RLIG1: variants seen among roughly 807,000 people sequenced by gnomAD.
RLIG1 encodes the protein RNA ligase 1.
chr12:88,043,276 G>T, the RLIG1 span, among the ~76,000 whole-genome samples: 1 of 151,932 alleles, frequency 6.6e-6, no homozygotes, highest in South Asian at 2.1e-4. Flanking sequence ...GATACTCATT[G>T]TATATCTATG....
chr12:88,035,582 T>A, the RLIG1 span: 1 of 1,505,418 alleles, frequency 6.6e-7, no homozygotes, highest in Non-Finnish European at 9.1e-7. Context: ...CTTCAGGGCT[T>A]CTCCGCGACT....
the RLIG1 span, chr12:88,045,676 T>C: frequency 8.1e-6 from 13 of 1,613,108 alleles, no homozygotes; most frequent in Admixed American, 2.2e-4. Context: ...TAAAACATCA[T>C]CCTGATGATT....
At chr12:88,041,356 C>T in the RLIG1 span, among the ~76,000 whole-genome samples, 1 of 152,126 alleles carries the variant, frequency 6.6e-6, no homozygotes, top group Non-Finnish European at 1.5e-5. Context: ...CATTGCTGGA[C>T]AGTTGGGTTG....
At chr12:88,045,527 G>T in the RLIG1 span, 1 of 1,263,324 alleles carries the variant, frequency 7.9e-7, no homozygotes, top group Non-Finnish European at 1.1e-6. Flanking sequence ...TACCTGTAGT[G>T]TCAGTCCAAA....
At chr12:88,049,694 A>G in the RLIG1 span, 1 of 236,676 alleles carries the variant, frequency 4.2e-6, no homozygotes, top group Non-Finnish European at 8.0e-6. Context: ...CTCTAAAAGC[A>G]TATAAGAGCT....
the RLIG1 span, chr12:88,035,552 C>T: frequency 1.8e-5 from 24 of 1,305,194 alleles, no homozygotes; most frequent in Middle Eastern, 1.8e-4. Context: ...TGTGCGTGGC[C>T]TGAGCCGTGC....
chr12:88,048,365 T>A, the RLIG1 span: 11 of 1,593,946 alleles, frequency 6.9e-6, no homozygotes, highest in Admixed American at 1.2e-4. Context: ...TTAATCATTT[T>A]TTAAAAATAG....
the RLIG1 span, chr12:88,049,047 TAAG>T: frequency 2.2e-6 from 1 of 457,162 alleles, no homozygotes; most frequent in Non-Finnish European, 3.9e-6. Flanking sequence ...TTTTATTTAT[TAAG>T]AATTCCAATC....
the RLIG1 span, chr12:88,048,169 A>G: frequency 7.7e-7 from 1 of 1,294,930 alleles, no homozygotes; most frequent in Non-Finnish European, 1.0e-6. Flanking sequence ...TGGGCACTCA[A>G]ATATTTCTAA....
At chr12:88,041,111 C>G in the RLIG1 span, among the ~76,000 whole-genome samples, 4 of 152,134 alleles carry the variant, frequency 2.6e-5, no homozygotes, top group African/African-American at 9.7e-5. Context: ...TCCTTATTCT[C>G]CCACCACCAG....
chr12:88,049,242 G>C, the RLIG1 span: 1 of 1,608,880 alleles, frequency 6.2e-7, no homozygotes, highest in South Asian at 1.1e-5. Flanking sequence ...TTCAGAAGCA[G>C]CAACAGGGCT....
the RLIG1 span, chr12:88,040,228 A>C: frequency 6.2e-7 from 1 of 1,607,530 alleles, no homozygotes; most frequent in Admixed American, 1.7e-5. Flanking sequence ...CAACAGAAAA[A>C]GTGGATGGAA....
the RLIG1 span, chr12:88,036,016 T>A: frequency 2.7e-6 from 4 of 1,486,306 alleles, no homozygotes; most frequent in Non-Finnish European, 3.6e-6. Flanking sequence ...ATAACTCACA[T>A]CCACAGCATG....
the RLIG1 span, chr12:88,049,154 G>GTT: frequency 3.0e-6 from 4 of 1,333,766 alleles, no homozygotes; most frequent in Non-Finnish European, 4.2e-6. Context: ...TTAATAAATA[G>GTT]TTAAATGAAA....
chr12:88,048,315 CT>C, the RLIG1 span: 1 of 1,605,860 alleles, frequency 6.2e-7, no homozygotes, highest in Non-Finnish European at 8.5e-7. Context: ...CAACATGAAC[CT>C]GAACAAATGT....
At chr12:88,038,300 T>A in the RLIG1 span, among the ~76,000 whole-genome samples, 1 of 152,146 alleles carries the variant, frequency 6.6e-6, no homozygotes, top group Admixed American at 6.5e-5. Context: ...CTCCTTTTTT[T>A]ATATTCTGCC....
the RLIG1 span, chr12:88,035,552 C>A: frequency 7.7e-7 from 1 of 1,305,310 alleles, no homozygotes; most frequent in Non-Finnish European, 1.1e-6. Flanking sequence ...TGTGCGTGGC[C>A]TGAGCCGTGC....
chr12:88,036,462 C>G, the RLIG1 span, among the ~76,000 whole-genome samples: 1 of 152,238 alleles, frequency 6.6e-6, no homozygotes, highest in Admixed American at 6.5e-5. Context: ...ATCCACCTCA[C>G]TTGAGTTTCA....
the RLIG1 span, chr12:88,035,694 G>GA: frequency 6.2e-7 from 1 of 1,608,326 alleles, no homozygotes; most frequent in Non-Finnish European, 8.5e-7. Context: ...GTGTGTGTTT[G>GA]TGACGGAGGT....
Sources: allele counts gnomAD v4.1 joint callset (sites outside exome capture counted in the v4.1 genomes callset), GRCh38; gene constraint gnomAD v4.1.1; transcripts MANE v1.5; gene names NCBI Gene and HGNC (gene_info 2026-07-23, HGNC 2026-07-21).